SARDH: variants seen among roughly 807,000 people sequenced by gnomAD.
SARDH encodes sarcosine dehydrogenase.
Under a neutral mutation model 109.1 loss-of-function variants are expected in SARDH, and 95 were observed. The observed-to-expected ratio is 0.87, with a 90% CI of 0.74 to 1.03. SARDH has a LOEUF of 1.03. Ranked by LOEUF, SARDH falls within the 50% of genes least tolerant of loss-of-function variation. The pLI is 0.00. For synonymous variants in SARDH, 572 were observed against 534.8 expected (o/e 1.07, Z -0.96); for missense variants, 1,267 against 1,287.8 (o/e 0.98, Z 0.25).
intron 16 of SARDH, among the ~76,000 whole-genome samples, chr9:133,688,605 C>CAGCT (rs1294482978): frequency 2.0e-5 from 3 of 152,180 alleles, no homozygotes; most frequent in African/African-American, 4.8e-5. Flanking sequence ...CTCAGAGGAG[C>CAGCT]AGCTGCTGGG....
At chr9:133,736,271 CCCAGGGTGCATCCGCA>C (rs1210752590) in intron 1 of SARDH, among the ~76,000 whole-genome samples, 1 of 152,252 alleles carries the variant, frequency 6.6e-6, no homozygotes, top group African/African-American at 2.4e-5. Flanking sequence ...TCCTCTCTCT[CCCAGGGTGCATCCGCA>C]CCTAACTTTC....
chr9:133,727,704 T>G (rs1832539858), intron 6 of SARDH, among the ~76,000 whole-genome samples: 1 of 141,024 alleles, frequency 7.1e-6, no homozygotes, highest in Non-Finnish European at 1.6e-5. Context: ...CTGGGGCTGA[T>G]GGCCCTTTTC....
At position 133,728,297 on chromosome 9, in the gene SARDH, G is replaced by A. The variant is rs1432094872; in HGVS notation, c.915+1468C>T. On this transcript the variant is annotated intron_variant, in intron 6 of 20. Transcript: ENST00000439388. The surrounding 1 kb of genome is among the most constrained non-coding windows in gnomAD (Gnocchi z 5.0). ...CCTGGTCTACGAAGCAGCCAAGCCT[G>A]GTACCTCCCCGGTGACCATAGGGAA... 3.3e-5 allele frequency among the ~76,000 whole-genome samples: 5 copies of A among 152,120 alleles called. No homozygotes were observed. Among genetic ancestry groups the A allele is most frequent in the Non-Finnish European group, 7.4e-5 (5 of 68,000 alleles).
rs987011328 is a variant in SARDH, at chr9:133,686,176, G to A, written c.2070-890C>T. On this transcript the variant is annotated intron_variant, in intron 16 of 20. Coordinates refer to ENST00000439388, the MANE Select transcript of SARDH (RefSeq NM_001134707.2). This position sits in a 1 kb window ranked among gnomAD's most constrained non-coding sequence, Gnocchi z 4.0. ...CACCCCTGCTTTTAAGCTCTGCGAG[G>A]GTGGGGATTCGCTCCCCACTTTCCC... is the stretch of plus-strand genomic sequence containing the variant. 1.3e-5 allele frequency among the ~76,000 whole-genome samples: 2 copies of A among 152,010 alleles called. No homozygotes were observed. The highest frequency in any genetic ancestry group is 4.8e-5 in the African/African-American group (2 of 41,348).
At chr9:133,711,962 G>A (rs1236986022) in intron 10 of SARDH, among the ~76,000 whole-genome samples, 1 of 152,224 alleles carries the variant, frequency 6.6e-6, no homozygotes, top group East Asian at 1.9e-4. Context: ...CCTGTGCTCT[G>A]CAAGAGATGG....
Position 133,731,456 on chromosome 9 carries a change from T to C in SARDH, c.539A>G (p.His180Arg). The C allele has an allele frequency of 6.2e-7, 1 of 1,614,050 alleles. No individual in the cohort carries two copies. Among genetic ancestry groups the C allele is most frequent in the Non-Finnish European group, 8.5e-7 (1 of 1,179,974 alleles). ...SLGKAYGVESHVLSPAETKTL... is the reference protein window; with the variant it reads ...SLGKAYGVESRVLSPAETKTL... The stretch of plus-strand genomic sequence containing the variant: ...CTTGGTCTCTGCCGGGCTCAGCACA[T>C]GGGATTCCACACCATACGCCTTGCC... The change falls in exon 4 of 21, where the codon CAT (histidine) becomes CGT (arginine). Residue 180 changes from histidine (H) to arginine (R), a missense_variant. Physicochemically the swap from His to Arg is conservative, Grantham distance 29. Coordinates refer to ENST00000439388, the MANE Select transcript of SARDH (RefSeq NM_001134707.2).
At chr9:133,727,772 C>G (rs755403070) in intron 6 of SARDH, among the ~76,000 whole-genome samples, 1 of 152,192 alleles carries the variant, frequency 6.6e-6, no homozygotes, top group African/African-American at 2.4e-5. Flanking sequence ...AGTAACACCC[C>G]CTAGCTTCGC....
At chr9:133,662,166 C>T (rs1280517717), downstream of SARDH, among the ~76,000 whole-genome samples, 6 of 152,056 alleles carry the variant, frequency 3.9e-5, no homozygotes, top group African/African-American at 1.4e-4. This position sits in a 1 kb window ranked among gnomAD's most constrained non-coding sequence, Gnocchi z 5.1. Flanking sequence ...GCTGGGTTCT[C>T]TCTCCTCGGG....
chr9:133,705,157 C>G (rs1333024199), intron 11 of SARDH, 126 bp from the exon 12 acceptor site: 1 of 875,634 alleles, frequency 1.1e-6, no homozygotes, highest in Non-Finnish European at 1.8e-6. Context: ...CTCTTGGAAC[C>G]AGGCCTCCAG....
At position 133,682,577 on chromosome 9, in the gene SARDH, G is replaced by A. The variant is rs542847180; in HGVS notation, c.2163+2616C>T. Among the ~76,000 whole-genome samples the A allele has an allele frequency of 3.3e-5, 5 of 152,342 alleles. No individual in the cohort carries two copies. The South Asian group carries it at 6.2e-4, about 19-fold the overall frequency. ...AGACCCAGCATCCTTGTTCTGAGGGGGCAAGGGTCGTGCCCAAAGTGGGCT... is the reference window on the plus strand; with the variant it reads ...AGACCCAGCATCCTTGTTCTGAGGGAGCAAGGGTCGTGCCCAAAGTGGGCT... On this transcript the variant is annotated intron_variant, in intron 17 of 20. Transcript: ENST00000439388.
chr9:133,707,176 C>A (rs1432349567), intron 11 of SARDH, among the ~76,000 whole-genome samples: 1 of 152,184 alleles, frequency 6.6e-6, no homozygotes, highest in Non-Finnish European at 1.5e-5. Flanking sequence ...CGTGGGTGAA[C>A]CAAGATTTCC....
In SARDH at chr9:133,704,877, G is replaced by A. The variant is rs1441195439; in HGVS notation, c.1554+71C>T. On this transcript the variant is annotated intron_variant, in intron 12 of 20. Coordinates refer to ENST00000439388, the MANE Select transcript of SARDH (RefSeq NM_001134707.2). The surrounding 1 kb of genome is among the most constrained non-coding windows in gnomAD (Gnocchi z 4.5). ...GGGGCACACGGAGGGGCAAGGACGGGGCACGTGGAGGGGCAAGGGGGTTGT... is the reference window on the plus strand; with the variant it reads ...GGGGCACACGGAGGGGCAAGGACGGAGCACGTGGAGGGGCAAGGGGGTTGT... 3 of 1,335,292 alleles carry A rather than the reference G, an allele frequency of 2.2e-6. No homozygotes were observed. The highest frequency in any genetic ancestry group is 3.1e-6 in the Non-Finnish European group (3 of 954,438). 82.7% of individuals were successfully genotyped at this position (1,335,292 alleles called of 1,614,324 possible). A position where few individuals can be genotyped will look rare whatever the true frequency, so the allele number is the denominator to read the frequency against.
rs186426096 is a variant in SARDH, at chr9:133,707,595, G to A, written c.1470+692C>T. ...CCCTGAGCCTCCCTCTTGCCTCCCC[G>A]CCCATCCATCTGTTCAACAAACATC... is the stretch of plus-strand genomic sequence containing the variant. On this transcript the variant is annotated intron_variant, in intron 11 of 20. Coordinates refer to ENST00000439388, the MANE Select transcript of SARDH (RefSeq NM_001134707.2). Among the ~76,000 whole-genome samples, 136 of 152,202 alleles carry A rather than the reference G, an allele frequency of 8.9e-4. 1 individual carries two copies. The highest frequency in any genetic ancestry group is 1.2e-3 in the Non-Finnish European group (81 of 67,992).
intron 20 of SARDH, among the ~76,000 whole-genome samples, chr9:133,664,377 TG>T (rs1829986657): frequency 6.6e-6 from 1 of 152,326 alleles, no homozygotes; most frequent in Non-Finnish European, 1.5e-5. Flanking sequence ...GCGCCGAGGC[TG>T]GGGGCCAATC....
In SARDH at chr9:133,708,330, T is replaced by A. The variant is rs753474721; in HGVS notation, c.1427A>T (p.Glu476Val). Residue 476 changes from glutamate to valine, a missense_variant, in exon 11 of 21, where the codon GAG becomes GTG. By Grantham distance (121) the Glu-to-Val change is moderately radical (BLOSUM62 -2). Coordinates refer to ENST00000439388, the MANE Select transcript of SARDH (RefSeq NM_001134707.2). Reference sequence around the variant, plus strand: ...CCTCATGTTGCGCCCGGCCAGCGGCTCATCGTGGGGGAAGACGACGGAGTA... The same window carrying A: ...CCTCATGTTGCGCCCGGCCAGCGGCACATCGTGGGGGAAGACGACGGAGTA... ...KNYSVVFPHDEPLAGRNMRRD... is the reference protein window; with the variant it reads ...KNYSVVFPHDVPLAGRNMRRD... The A allele has an allele frequency of 6.2e-7, 1 of 1,613,316 alleles. No homozygotes were observed. Among genetic ancestry groups the A allele is most frequent in the Admixed American group, 1.7e-5 (1 of 59,994 alleles).
intron 14 of SARDH, among the ~76,000 whole-genome samples, chr9:133,695,593 C>T (rs1286444114): frequency 1.3e-5 from 2 of 152,156 alleles, no homozygotes; most frequent in African/African-American, 4.8e-5. Context: ...TGCAGAGTGT[C>T]AGGTACAGAC....
intron 20 of SARDH, among the ~76,000 whole-genome samples, chr9:133,665,893 G>A (rs955586996): frequency 1.3e-5 from 2 of 152,196 alleles, no homozygotes; most frequent in African/African-American, 2.4e-5. Flanking sequence ...AGCACCTCCC[G>A]GCCTCACTTA....
At chr9:133,685,151 C>A in intron 17 of SARDH, 42 bp downstream of exon 17, 1 of 1,574,492 alleles carries the variant, frequency 6.4e-7, no homozygotes, top group Non-Finnish European at 8.7e-7. Context: ...TCACACCATG[C>A]TGCCACCCAC....
At chr9:133,716,999 AAC>A (rs961869830) in intron 8 of SARDH, among the ~76,000 whole-genome samples, 1 of 152,156 alleles carries the variant, frequency 6.6e-6, no homozygotes, top group Non-Finnish European at 1.5e-5. Flanking sequence ...TACAGATGAA[AAC>A]ACAGAATTCC....
Sources: gnomAD v4.1 joint callset for allele counts (sites outside exome capture counted in the v4.1 genomes callset) on GRCh38, gnomAD v4.1.1 for gene constraint, Gnocchi (gnomAD v3.1) non-coding constraint, MANE v1.5 for transcripts, NCBI Gene and HGNC (gene_info 2026-07-23, HGNC 2026-07-21) for gene names.